Variants in NIPAL2 observed in about 807,000 individuals in gnomAD.
NIPAL2 encodes the protein NIPA-like protein 2.
In NIPAL2, 43 loss-of-function variants were observed where a neutral mutation model predicts 48.9. The observed-to-expected ratio is 0.88, with a 90% confidence interval of 0.69 to 1.13. The LOEUF is 1.13. Among genes scored for constraint, NIPAL2 ranks in the 50% most tolerant of loss-of-function variants. NIPAL2 has a pLI of 0.00. For missense variants in NIPAL2, 446 were observed against 461.4 expected, an observed-to-expected ratio of 0.97 and a Z score of 0.31; for synonymous variants, 167 against 174.6, an observed-to-expected ratio of 0.96 and a Z score of 0.34.
chr8:98,253,265 G>T (rs957446242), intron 2 of NIPAL2, among the ~76,000 whole-genome samples: 2 of 152,064 alleles, frequency 1.3e-5, no homozygotes, highest in Non-Finnish European at 2.9e-5. Context: ...ATTAGCTCTC[G>T]TTTCAGACAT....
intron 1 of NIPAL2, among the ~76,000 whole-genome samples, chr8:98,256,097 T>G (rs1286881082): frequency 1.3e-5 from 2 of 152,092 alleles, no homozygotes; most frequent in Non-Finnish European, 2.9e-5. Flanking sequence ...CTCACTGCAG[T>G]CTCTGCCTCC....
intron 3 of NIPAL2, among the ~76,000 whole-genome samples, chr8:98,249,463 C>G (rs1446143405): frequency 1.3e-5 from 2 of 151,540 alleles, no homozygotes; most frequent in Non-Finnish European, 2.9e-5. Context: ...CTATATATGA[C>G]TAGTATATGT....
intron 4 of NIPAL2, 119 bp from the exon 5 acceptor site, chr8:98,222,719 T>C: frequency 2.1e-6 from 2 of 949,430 alleles, no homozygotes; most frequent in Non-Finnish European, 3.2e-6. Context: ...CTCCCTATTA[T>C]ACTCCGTTTC....
chr8:98,275,860 T>C (rs1433745457), intron 1 of NIPAL2, among the ~76,000 whole-genome samples: 1 of 152,222 alleles, frequency 6.6e-6, no homozygotes, highest in African/African-American at 2.4e-5. Flanking sequence ...CTATCTCATA[T>C]GTTGCTGACT....
intron 1 of NIPAL2, among the ~76,000 whole-genome samples, chr8:98,269,316 A>AGCTATAT (rs1238020879): frequency 6.6e-6 from 1 of 152,204 alleles, no homozygotes; most frequent in Non-Finnish European, 1.5e-5. Flanking sequence ...TATTTATGGC[A>AGCTATAT]GCTATAGTCT....
chr8:98,233,118 C>T (rs938273032), intron 4 of NIPAL2, among the ~76,000 whole-genome samples: 4 of 151,954 alleles, frequency 2.6e-5, no homozygotes, highest in South Asian at 2.1e-4. Context: ...TTTAGCTGGG[C>T]GTGGTGGTGT....
intron 8 of NIPAL2, among the ~76,000 whole-genome samples, chr8:98,197,506 A>C (rs1425753434): frequency 2.6e-5 from 4 of 152,200 alleles, no homozygotes; most frequent in Non-Finnish European, 5.9e-5. Context: ...CACATCGATT[A>C]ACTCTTTCAT....
intron 5 of NIPAL2, among the ~76,000 whole-genome samples, chr8:98,213,200 C>T (rs890210181): frequency 9.2e-5 from 14 of 152,144 alleles, no homozygotes; most frequent in African/African-American, 3.4e-4. Context: ...CAGCTGCACT[C>T]CCCTCCTCCT....
chr8:98,286,611 C>T (rs187010347), intron 1 of NIPAL2, among the ~76,000 whole-genome samples: 97 of 152,130 alleles, frequency 6.4e-4, no homozygotes, highest in African/African-American at 2.2e-3. Context: ...GAGTTTGAGA[C>T]CAGCCTGGCC....
Position 98,193,109 on chromosome 8 carries a change from T to G in NIPAL2, c.1040-19A>C. Reference sequence around the variant, plus strand: ...TGTTTCCCTGTGGAGATAATAATCATAGAGAATCTTTTGAGGTCTTACAGA... The same window carrying G: ...TGTTTCCCTGTGGAGATAATAATCAGAGAGAATCTTTTGAGGTCTTACAGA... On this transcript the variant is annotated intron_variant, in intron 10 of 10. Coordinates refer to ENST00000430223, the MANE Select transcript of NIPAL2 (RefSeq NM_001321635.2). The G allele has an allele frequency of 6.3e-7, 1 of 1,576,456 alleles. No individual in the cohort carries two copies. The highest frequency in any genetic ancestry group is 8.7e-7 in the Non-Finnish European group (1 of 1,146,220).
intron 3 of NIPAL2, among the ~76,000 whole-genome samples, chr8:98,238,155 G>T (rs1485178153): frequency 6.6e-6 from 1 of 152,132 alleles, no homozygotes; most frequent in Non-Finnish European, 1.5e-5. Flanking sequence ...TCCCTGTTAT[G>T]GGGTCATTTA....
At chr8:98,251,811 T>C (rs1813604064) in intron 3 of NIPAL2, 1 of 152,194 alleles carries the variant, frequency 6.6e-6, no homozygotes, top group South Asian at 2.1e-4. Context: ...AAACATTCTG[T>C]TTCCATAGCA....
rs754889943 is a variant in NIPAL2, at chr8:98,205,143, G to A, written c.759C>T (p.Ile253=). 6.2e-7 allele frequency: 1 copy of A among 1,612,840 alleles called. No individual in the cohort carries two copies. The highest frequency in any genetic ancestry group is 8.5e-7 in the Non-Finnish European group (1 of 1,178,956). Residue 253 remains isoleucine (I), a synonymous_variant, in exon 7 of 11, where the codon ATC becomes ATT. Coordinates refer to ENST00000430223, the MANE Select transcript of NIPAL2 (RefSeq NM_001321635.2). Reference sequence around the variant, plus strand: ...GGAAAACACAAGATGCTATCATGATGATAAACATGATATAGAAAATGGGGT... The same window carrying A: ...GGAAAACACAAGATGCTATCATGATAATAAACATGATATAGAAAATGGGGT... The part of the protein sequence containing the change: ...LTYPIFYIMF[I]IMIASCVFQV...
chr8:98,235,315 C>T (rs1244304149), intron 4 of NIPAL2, among the ~76,000 whole-genome samples: 1 of 152,150 alleles, frequency 6.6e-6, no homozygotes, highest in Non-Finnish European at 1.5e-5. Context: ...ATGATATGTC[C>T]AACAATAGCT....
At chr8:98,229,656 G>A (rs1030160002) in intron 4 of NIPAL2, among the ~76,000 whole-genome samples, 1 of 152,186 alleles carries the variant, frequency 6.6e-6, no homozygotes, top group Non-Finnish European at 1.5e-5. Context: ...GGAATTACAC[G>A]TGTGAGCCAC....
intron 1 of NIPAL2, among the ~76,000 whole-genome samples, chr8:98,286,214 C>A (rs115888872): frequency 0.021 from 3,164 of 152,228 alleles, 109 homozygotes; most frequent in African/African-American, 0.07. Context: ...GCCTCCAGAA[C>A]CATGAGCCAA....
chr8:98,253,762 T>C (rs1813725592), intron 2 of NIPAL2, among the ~76,000 whole-genome samples: 1 of 152,208 alleles, frequency 6.6e-6, no homozygotes, highest in Non-Finnish European at 1.5e-5. Context: ...GCCCCTTACC[T>C]AGGGTCTACA....
intron 1 of NIPAL2, among the ~76,000 whole-genome samples, chr8:98,265,392 G>T (rs1197905314): frequency 7.6e-6 from 1 of 131,766 alleles, no homozygotes. Context: ...TCTGACAAAG[G>T]GCTAATATCC....
intron 5 of NIPAL2, among the ~76,000 whole-genome samples, chr8:98,221,920 A>C (rs200717527): frequency 9.2e-5 from 14 of 152,150 alleles, no homozygotes; most frequent in Non-Finnish European, 1.6e-4. Context: ...TTGACCCAGC[A>C]ATCCCATTAC....
Sources: gnomAD v4.1 joint callset for allele counts (sites outside exome capture counted in the v4.1 genomes callset) on GRCh38, gnomAD v4.1.1 for gene constraint, MANE v1.5 for transcripts, NCBI Gene and HGNC (gene_info 2026-07-23, HGNC 2026-07-21) for gene names.